BRAF: variants seen among roughly 807,000 people sequenced by gnomAD.
BRAF encodes B-Raf proto-oncogene, serine/threonine kinase.
In BRAF, 16 loss-of-function variants were observed where a neutral mutation model predicts 104.6. The ratio of observed to expected loss-of-function variants is 0.15; its 90% CI spans 0.10 to 0.23. The LOEUF (loss-of-function observed/expected upper bound fraction) is 0.23. BRAF is among the 10% of genes least tolerant of loss of function. The pLI is 1.00. For missense variants in BRAF, 541 were observed against 937.3 expected (o/e 0.58, Z 5.52); for synonymous variants, 310 against 341.6 (o/e 0.91, Z 1.02).
intron 1 of BRAF, among the ~76,000 whole-genome samples, chr7:140,921,016 T>C (rs951947433): frequency 2.0e-5 from 3 of 152,206 alleles, no homozygotes; most frequent in Non-Finnish European, 4.4e-5. Flanking sequence ...AAGGAGATTA[T>C]ATCCCAGAAT....
chr7:140,782,944 T>C, intron 11 of BRAF, 77 bp downstream of exon 10: 1 of 1,503,896 alleles, frequency 6.6e-7, no homozygotes, highest in Non-Finnish European at 9.2e-7. Flanking sequence ...ATAATATATC[T>C]AAAGGATAAT....
At chr7:140,776,836 T>C (rs924201178) in intron 14 of BRAF, 76 bp downstream of exon 13, 56 of 1,416,574 alleles carry the variant, frequency 4.0e-5, no homozygotes, top group African/African-American at 3.8e-4. Flanking sequence ...TCCAAAAGAA[T>C]AGCAGCCAAA....
intron 5 of BRAF, among the ~76,000 whole-genome samples, chr7:140,802,532 A>C (rs1216216054): frequency 6.6e-6 from 1 of 152,058 alleles, no homozygotes; most frequent in Non-Finnish European, 1.5e-5. Flanking sequence ...TCCTGACCTC[A>C]GGTGATGCGT....
intron 1 of BRAF, among the ~76,000 whole-genome samples, chr7:140,864,075 TTATCACTCTAGTGAA>T (rs1477929093): frequency 6.6e-6 from 1 of 152,198 alleles, no homozygotes; most frequent in East Asian, 1.9e-4. Context: ...GTACCTCTAA[TTATCACTCTAGTGAA>T]GAATGGATTA....
At position 140,724,958 on chromosome 7, in the gene BRAF, G is replaced by C; in HGVS notation, c.*1536C>G. ...AGGTTATATTTTCCATTTGTGCAAA[G>C]ATAAGATTTAGGTTCTTAATGAATG... On this transcript the variant is annotated 3_prime_UTR_variant, in exon 20 of 20. Transcript: ENST00000644969. 9.6e-7 allele frequency: 1 copy of C among 1,043,152 alleles called. No individual in the cohort carries two copies. The highest frequency in any genetic ancestry group is 1.2e-6 in the Non-Finnish European group (1 of 865,312). 64.6% of individuals were successfully genotyped at this position (1,043,152 alleles called of 1,614,324 possible). A position where few individuals can be genotyped will look rare whatever the true frequency, so the allele number is the denominator to read the frequency against.
intron 16 of BRAF, among the ~76,000 whole-genome samples, chr7:140,752,320 C>A (rs1426124729): frequency 6.6e-6 from 1 of 152,166 alleles, no homozygotes; most frequent in Non-Finnish European, 1.5e-5. Flanking sequence ...ACTCCAGCCA[C>A]CATGAGTGGC....
At chr7:140,809,333 C>A (rs1407966980) in intron 3 of BRAF, among the ~76,000 whole-genome samples, 1 of 152,118 alleles carries the variant, frequency 6.6e-6, no homozygotes, top group Non-Finnish European at 1.5e-5. Flanking sequence ...ATATTAAAAG[C>A]AAAATCAATT....
intron 1 of BRAF, among the ~76,000 whole-genome samples, chr7:140,899,047 T>TG (rs1815284939): frequency 6.6e-6 from 1 of 152,150 alleles, no homozygotes; most frequent in Non-Finnish European, 1.5e-5. Flanking sequence ...TGAGGATACT[T>TG]GAACTTTTTT....
At chr7:140,804,756 T>A (rs1803485712) in intron 5 of BRAF, among the ~76,000 whole-genome samples, 1 of 152,180 alleles carries the variant, frequency 6.6e-6, no homozygotes, top group Non-Finnish European at 1.5e-5. Flanking sequence ...TACATGTAAA[T>A]TTTTTTATGA....
intron 3 of BRAF, among the ~76,000 whole-genome samples, chr7:140,821,355 A>G (rs1481345840): frequency 7.2e-6 from 1 of 139,034 alleles, no homozygotes; most frequent in East Asian, 2.1e-4. Context: ...GCTGGAGTGC[A>G]GTGGTGGGAT....
chr7:140,870,067 G>A (rs574269924), intron 1 of BRAF, among the ~76,000 whole-genome samples: 4 of 152,266 alleles, frequency 2.6e-5, no homozygotes, highest in African/African-American at 7.2e-5. Flanking sequence ...ATCTGAACAT[G>A]GAAGGCAGTG....
chr7:140,880,033 G>C (rs1405139341), intron 1 of BRAF, among the ~76,000 whole-genome samples: 1 of 152,034 alleles, frequency 6.6e-6, no homozygotes, highest in Admixed American at 6.6e-5. Flanking sequence ...TGCCCGGCCG[G>C]CAATTTCTTA....
chr7:140,879,347 A>G (rs1216422853), intron 1 of BRAF, among the ~76,000 whole-genome samples: 1 of 150,774 alleles, frequency 6.6e-6, no homozygotes, highest in Non-Finnish European at 1.5e-5. Flanking sequence ...ACGCCCAGCT[A>G]ATTTTTGTAT....
At chr7:140,793,011 GTA>G (rs1350130577) in intron 8 of BRAF, among the ~76,000 whole-genome samples, 3 of 152,280 alleles carry the variant, frequency 2.0e-5, no homozygotes, top group African/African-American at 7.2e-5. Context: ...GATTAATGTA[GTA>G]TATAATTCAA....
In BRAF at chr7:140,924,428, C is replaced by CCA. The variant is rs2129152839; in HGVS notation, c.138+136_138+137dup. 6 of 1,303,622 alleles carry CCA rather than the reference C, an allele frequency of 4.6e-6. No homozygotes were observed. Among genetic ancestry groups the CCA allele is most frequent in the Admixed American group, 2.1e-5 (1 of 47,018 alleles). The allele number at this position is 1,303,622 out of a possible 1,614,324, so 80.8% of individuals were successfully genotyped here. A position where few individuals can be genotyped will look rare whatever the true frequency, so the allele number is the denominator to read the frequency against. On this transcript the variant is annotated intron_variant, in intron 1 of 19. Transcript: ENST00000644969. This position sits in a 1 kb window ranked among gnomAD's most constrained non-coding sequence, Gnocchi z 4.2. Reference sequence around the variant, plus strand: ...ACGGAGAGGGACACGGGGGCGATGCCCACCTCCCAGCCCGCGGAGCTGGCC... The same window carrying CCA: ...ACGGAGAGGGACACGGGGGCGATGCCCACACCTCCCAGCCCGCGGAGCTGGCC...
chr7:140,872,744 T>C lies in BRAF; in HGVS notation c.139-22532A>G, dbSNP rs372541578. Among the ~76,000 whole-genome samples, 9 of 152,026 alleles carry C rather than the reference T, an allele frequency of 5.9e-5. No individual in the cohort carries two copies. The South Asian group carries it at 8.3e-4, about 14-fold the overall frequency. ...CAGGTATGGTGGCATGTGTCTGTAGTTCCAGCTATTCAGGAGGCCAAAGAG... is the reference window on the plus strand; with the variant it reads ...CAGGTATGGTGGCATGTGTCTGTAGCTCCAGCTATTCAGGAGGCCAAAGAG... On this transcript the variant is annotated intron_variant, in intron 1 of 19. Transcript: ENST00000644969.
chr7:140,828,412 A>G (rs1034150386), intron 3 of BRAF, among the ~76,000 whole-genome samples: 2 of 152,110 alleles, frequency 1.3e-5, no homozygotes, highest in Non-Finnish European at 2.9e-5. Flanking sequence ...TTCACCCTCT[A>G]TAGGTTTTTC....
At chr7:140,784,418 C>A (rs954568672) in intron 10 of BRAF, among the ~76,000 whole-genome samples, 1 of 152,094 alleles carries the variant, frequency 6.6e-6, no homozygotes, top group African/African-American at 2.4e-5. Context: ...CCAGGCTTCA[C>A]GGTTATGATC....
chr7:140,836,516 C>A (rs1260230677), intron 2 of BRAF, among the ~76,000 whole-genome samples: 1 of 128,540 alleles, frequency 7.8e-6, no homozygotes, highest in South Asian at 2.4e-4. Flanking sequence ...ACAAGAGCTA[C>A]TGAGGAAGAG....
Sources: allele counts gnomAD v4.1 joint callset (sites outside exome capture counted in the v4.1 genomes callset), GRCh38; gene constraint gnomAD v4.1.1; non-coding constraint Gnocchi (gnomAD v3.1); transcripts MANE v1.5; gene names NCBI Gene and HGNC (gene_info 2026-07-23, HGNC 2026-07-21).